Variants in GREB1 observed in about 807,000 individuals in gnomAD.
GREB1 encodes protein GREB1.
GREB1 carries 106 observed loss-of-function variants against 200.7 expected under a neutral mutation model. That is an observed-to-expected ratio of 0.53 (90% CI 0.45 to 0.62). The LOEUF is 0.62. Among genes scored for constraint, GREB1 ranks in the 20% least tolerant of loss-of-function variants. The pLI, the probability that GREB1 is intolerant of heterozygous loss-of-function variation, is 0.00. For synonymous variants in GREB1, 1,132 were observed against 1,092.4 expected, an observed-to-expected ratio of 1.04 and a Z score of -0.72; for missense variants, 2,243 against 2,556.8, an observed-to-expected ratio of 0.88 and a Z score of 2.65.
chr2:11,589,010 G>A, intron 10 of GREB1, 79 bp downstream of exon 10: 1 of 1,023,604 alleles, frequency 9.8e-7, no homozygotes, highest in Non-Finnish European at 1.5e-6. Flanking sequence ...GCCCTCGTGG[G>A]GGCTGACTTG....
chr2:11,576,656 C>A, intron 5 of GREB1, 121 bp downstream of exon 5: 1 of 702,544 alleles, frequency 1.4e-6, no homozygotes, highest in East Asian at 2.6e-5. Flanking sequence ...GGGCAAAAGG[C>A]CAGGCCTATG....
rs1676445583 is a variant in GREB1 at position 11,556,479 on chromosome 2, TTTCTTCGTC to T, written c.-134_-126del. 4 of 647,094 alleles carry T rather than the reference TTTCTTCGTC, an allele frequency of 6.2e-6. No individual in the cohort carries two copies. Among genetic ancestry groups the T allele is most frequent in the Non-Finnish European group, 1.0e-5 (4 of 384,346 alleles). 40.1% of individuals were successfully genotyped at this position (647,094 alleles called of 1,614,324 possible). On this transcript the variant is annotated 5_prime_UTR_variant, in exon 2 of 33. Transcript: ENST00000381486. ...TAGCTGCAGCTGAGGACAGCCACCC[TTTCTTCGTC>T]TCTGCTGAGCGAAGGCTACACGGCC...
At chr2:11,596,511 T>G (rs1377117678) in intron 13 of GREB1, among the ~76,000 whole-genome samples, 313 of 4,630 alleles carry the variant, frequency 0.068, no homozygotes, top group Non-Finnish European at 0.071. Flanking sequence ...AGTGAGGGGG[T>G]GGGGGCACAG....
Position 11,611,013 on chromosome 2 carries a change from G to C in GREB1, c.2992G>C (p.Val998Leu). ...AGGCGTCACCGTGGGGAAGCACTTC[G>C]TAAAGCAGCTCAGGGTAGGTGCTGT... ...SSGVTVGKHF[V>L]KQLRMWQKIE... The change falls in exon 18 of 33, where the codon GTA becomes CTA. Residue 998 changes from valine (V) to leucine (L), a missense_variant. Physicochemically the swap from Val to Leu is conservative, Grantham distance 32 (BLOSUM62 1). Transcript: ENST00000381486. 6.3e-7 allele frequency: 1 copy of C among 1,590,816 alleles called. No individual in the cohort carries two copies. The highest frequency in any genetic ancestry group is 8.6e-7 in the Non-Finnish European group (1 of 1,168,664).
Position 11,618,875 on chromosome 2 carries a change from G to T in GREB1, c.4000G>T (p.Asp1334Tyr). The T allele has an allele frequency of 6.4e-7, 1 of 1,571,978 alleles. No individual in the cohort carries two copies. The highest frequency in any genetic ancestry group is 8.6e-7 in the Non-Finnish European group (1 of 1,164,308). Residue 1334 changes from aspartate to tyrosine, a missense_variant, in exon 22 of 33, where the codon GAC (aspartate) becomes TAC (tyrosine). Physicochemically the swap from Asp to Tyr is radical, Grantham distance 160. Coordinates refer to ENST00000381486, the MANE Select transcript of GREB1 (RefSeq NM_014668.4). ...DYGNRAEGRV[D>Y]GFHPRRLLLS... ...CGGCAACCGGGCCGAGGGCCGCGTG[G>T]ACGGCTTCCACCCCCGCAGGCTGCT...
chr2:11,593,626 C>T lies in GREB1; in HGVS notation c.1696+500C>T, dbSNP rs564464634. The stretch of plus-strand genomic sequence containing the variant: ...CTCAGCCTCCCAAGTAGCTGGGACA[C>T]GCCCAGCTAATTTGTATTTTTTGAT... On this transcript the variant is annotated intron_variant, in intron 11 of 32. Transcript: ENST00000381486. Among the ~76,000 whole-genome samples, 211 of 152,150 alleles carry T rather than the reference C, an allele frequency of 1.4e-3. 3 individuals carry two copies. In the South Asian group the frequency reaches 0.019, roughly 14 times the overall value.
intron 1 of GREB1, among the ~76,000 whole-genome samples, chr2:11,519,909 G>A (rs1673647758): frequency 6.6e-6 from 1 of 152,148 alleles, no homozygotes; most frequent in South Asian, 2.1e-4. Flanking sequence ...GGCTGAACGG[G>A]GGTGGACTGC....
intron 24 of GREB1, 92 bp from the exon 25 acceptor site, chr2:11,626,870 C>G: frequency 7.6e-7 from 1 of 1,316,066 alleles, no homozygotes; most frequent in South Asian, 1.2e-5. Flanking sequence ...GTTGTCTGGT[C>G]ATTTGAGCAT....
chr2:11,495,796 G>GT (rs71393887), intron 1 of GREB1, among the ~76,000 whole-genome samples: 29,219 of 136,978 alleles, frequency 0.21, 3,081 homozygotes, highest in Middle Eastern at 0.31. Context: ...AAGTCCCCCC[G>GT]TTTTTTTTTT....
At chr2:11,522,334 C>T (rs1032511624) in intron 1 of GREB1, among the ~76,000 whole-genome samples, 3 of 152,150 alleles carry the variant, frequency 2.0e-5, no homozygotes, top group South Asian at 2.1e-4. Context: ...TTTTCACACA[C>T]GTCTGCAATT....
At chr2:11,593,558 C>A (rs1406634632) in intron 11 of GREB1, among the ~76,000 whole-genome samples, 1 of 152,166 alleles carries the variant, frequency 6.6e-6, no homozygotes, top group African/African-American at 2.4e-5. Flanking sequence ...CTGATCTTGG[C>A]TCATTATAAC....
rs1572247896 is a variant in GREB1 at position 11,641,152 on chromosome 2, T to A, written c.*698T>A. Reference sequence around the variant, plus strand: ...CTAAAAGGGTTTTTTGGGGGGGGAGTTGGCGGGGAGGAAATAAGGCTAACA... The same window carrying A: ...CTAAAAGGGTTTTTTGGGGGGGGAGATGGCGGGGAGGAAATAAGGCTAACA... On this transcript the variant is annotated 3_prime_UTR_variant, in exon 33 of 33. Coordinates refer to ENST00000381486, the MANE Select transcript of GREB1 (RefSeq NM_014668.4). 1 of 135,960 alleles carries A rather than the reference T, an allele frequency of 7.4e-6. No homozygotes were observed. Among genetic ancestry groups the A allele is most frequent in the East Asian group, 3.0e-4 (1 of 3,370 alleles). The allele number at this position is 135,960 out of a possible 1,614,324, so 8.4% of individuals were successfully genotyped here.
intron 1 of GREB1, among the ~76,000 whole-genome samples, chr2:11,537,653 T>C (rs1240152785): frequency 6.8e-6 from 1 of 146,094 alleles, no homozygotes; most frequent in Non-Finnish European, 1.5e-5. Flanking sequence ...TTATATATTA[T>C]ATAAAAATAT....
chr2:11,526,499 A>G (rs1355253967), intron 1 of GREB1, among the ~76,000 whole-genome samples: 1 of 151,964 alleles, frequency 6.6e-6, no homozygotes, highest in African/African-American at 2.4e-5. Flanking sequence ...CTTATTCTCT[A>G]TAGCTACTCA....
At chr2:11,591,304 A>G (rs2148173843) in intron 10 of GREB1, 1 of 709,588 alleles carries the variant, frequency 1.4e-6, no homozygotes, top group Non-Finnish European at 2.6e-6. Context: ...TCAGGAAACC[A>G]TGGGAGATAG....
At position 11,571,509 on chromosome 2, in the gene GREB1, G is replaced by A. The variant is rs902697856; in HGVS notation, c.455-4844G>A. ...GGGGATAAAGATGTACGCGGTACCT[G>A]ACTGCGGTTTTGAGGATAACTCCGC... On this transcript the variant is annotated intron_variant, in intron 4 of 32. Transcript: ENST00000381486. Among the ~76,000 whole-genome samples, 16 of 152,196 alleles carry A rather than the reference G, an allele frequency of 1.1e-4. 1 individual carries two copies. The highest frequency in any genetic ancestry group is 7.9e-4 in the Admixed American group (12 of 15,282).
At chr2:11,591,488 A>G in intron 10 of GREB1, 1 of 714,486 alleles carries the variant, frequency 1.4e-6, no homozygotes, top group Non-Finnish European at 2.6e-6. Flanking sequence ...ATTCAGTCTC[A>G]CTCATCATCA....
At chr2:11,558,740 C>T (rs906984395) in intron 2 of GREB1, among the ~76,000 whole-genome samples, 15 of 152,288 alleles carry the variant, frequency 9.8e-5, no homozygotes, top group African/African-American at 3.6e-4. Context: ...GGCCACATCT[C>T]GTAGTGTCTG....
At chr2:11,574,090 A>G (rs867703602) in intron 4 of GREB1, among the ~76,000 whole-genome samples, 27 of 152,214 alleles carry the variant, frequency 1.8e-4, no homozygotes, top group African/African-American at 5.8e-4. Flanking sequence ...AGGTGAAGGA[A>G]TAAACAAAGA....
Sources: allele counts gnomAD v4.1 joint callset (sites outside exome capture counted in the v4.1 genomes callset), GRCh38; gene constraint gnomAD v4.1.1; transcripts MANE v1.5; gene names NCBI Gene and HGNC (gene_info 2026-07-23, HGNC 2026-07-21).